Variants in SMYD3 observed in about 807,000 individuals in gnomAD.
SMYD3 encodes histone-lysine N-methyltransferase SMYD3.
In SMYD3, 36 loss-of-function variants were observed where a neutral mutation model predicts 57.7. The ratio of observed to expected loss-of-function variants is 0.62; its 90% CI spans 0.48 to 0.82. SMYD3 has a LOEUF of 0.82. Among genes scored for constraint, SMYD3 ranks in the 40% least tolerant of loss-of-function variants. The pLI is 0.00. For missense variants in SMYD3, 515 were observed against 538.8 expected, an observed-to-expected ratio of 0.96 and a Z score of 0.44; for synonymous variants, 211 against 195.0, an observed-to-expected ratio of 1.08 and a Z score of -0.68.
At chr1:246,478,699 C>T (rs113285829) in intron 1 of SMYD3, among the ~76,000 whole-genome samples, 7 of 79,102 alleles carry the variant, frequency 8.8e-5, no homozygotes, top group East Asian at 3.7e-4. Flanking sequence ...TGTCCTCCGT[C>T]CTGGAGCTGG....
chr1:245,848,578 CTTTT>C (rs2050789905), intron 10 of SMYD3, among the ~76,000 whole-genome samples: 1 of 151,924 alleles, frequency 6.6e-6, no homozygotes, highest in African/African-American at 2.4e-5. Context: ...CGCCCATCTA[CTTTT>C]TTTATGTTTA....
At position 246,194,046 on chromosome 1, in the gene SMYD3, T is replaced by C. The variant is rs529605225; in HGVS notation, c.531+133155A>G. Among the ~76,000 whole-genome samples the C allele has an allele frequency of 1.5e-3, 224 of 152,280 alleles. 2 individuals are homozygous for C. The highest frequency in any genetic ancestry group is 4.9e-3 in the African/African-American group (205 of 41,546). ...GCACAATTAAGAGAGGTACGCTGTT[T>C]TTATGTACTTCTCTATAACTGCAGC... On this transcript the variant is annotated intron_variant, in intron 5 of 11. Transcript: ENST00000490107.
chr1:246,169,665 C>A (rs530477067), intron 5 of SMYD3, among the ~76,000 whole-genome samples: 1 of 151,954 alleles, frequency 6.6e-6, no homozygotes, highest in African/African-American at 2.4e-5. Context: ...TCCCAGCATT[C>A]GGCCAAGGCA....
chr1:246,105,242 T>G (rs1398594721), intron 5 of SMYD3, among the ~76,000 whole-genome samples: 1 of 151,644 alleles, frequency 6.6e-6, no homozygotes, highest in Non-Finnish European at 1.5e-5. Context: ...AATGCACAGA[T>G]GGGCCCTGGT....
Position 246,462,148 on chromosome 1 carries a change from TTG to T in SMYD3, c.164+44904_164+44905del, listed in dbSNP as rs368701520. On this transcript the variant is annotated intron_variant, in intron 1 of 11. Transcript: ENST00000490107. ...GTGTGGAGGTGTGGAAAGCCTAGCA[TTG>T]TGAGTACGGGCATGGCAAGAAGAAT... Among the ~76,000 whole-genome samples the T allele has an allele frequency of 6.5e-4, 99 of 152,264 alleles. No individual in the cohort carries two copies. In the South Asian group the frequency reaches 0.02, roughly 31 times the overall value.
At chr1:246,005,879 C>A (rs373872537) in intron 5 of SMYD3, among the ~76,000 whole-genome samples, 1 of 152,124 alleles carries the variant, frequency 6.6e-6, no homozygotes, top group South Asian at 2.1e-4. Flanking sequence ...CATATGGAGC[C>A]GTGGTTACAG....
intron 5 of SMYD3, among the ~76,000 whole-genome samples, chr1:245,993,891 TC>T (rs1357864109): frequency 6.6e-6 from 1 of 152,246 alleles, no homozygotes; most frequent in African/African-American, 2.4e-5. Context: ...ATTTAAATGG[TC>T]ATTTTTATGT....
At chr1:246,360,849 G>A (rs1007466357) in intron 1 of SMYD3, among the ~76,000 whole-genome samples, 4 of 152,126 alleles carry the variant, frequency 2.6e-5, no homozygotes, top group African/African-American at 7.2e-5. Context: ...AAAAATTCTA[G>A]AAGATAACAT....
intron 5 of SMYD3, among the ~76,000 whole-genome samples, chr1:246,123,282 C>G (rs1453610633): frequency 1.3e-5 from 2 of 152,074 alleles, no homozygotes; most frequent in Non-Finnish European, 2.9e-5. Context: ...CATCATTCTG[C>G]ATTGGCCCTG....
intron 1 of SMYD3, among the ~76,000 whole-genome samples, chr1:246,489,364 A>T (rs905646749): frequency 6.6e-6 from 1 of 152,132 alleles, no homozygotes; most frequent in African/African-American, 2.4e-5. Context: ...AAAAAATAAT[A>T]AAAGAAAAAG....
At chr1:246,186,012 C>T (rs1338606272) in intron 5 of SMYD3, among the ~76,000 whole-genome samples, 7 of 152,178 alleles carry the variant, frequency 4.6e-5, no homozygotes, top group South Asian at 4.2e-4. Flanking sequence ...AGGTTTGTCT[C>T]GGTCAAATCT....
chr1:246,162,350 A>C (rs865845512), intron 5 of SMYD3, among the ~76,000 whole-genome samples: 1 of 152,230 alleles, frequency 6.6e-6, no homozygotes, highest in South Asian at 2.1e-4. Flanking sequence ...CAGAAGTATC[A>C]ATTGGAATGT....
intron 10 of SMYD3, among the ~76,000 whole-genome samples, chr1:245,855,359 C>T (rs2051188160): frequency 6.6e-6 from 1 of 152,042 alleles, no homozygotes; most frequent in Admixed American, 6.5e-5. Context: ...GTGGTGCTAT[C>T]AAAGGCTGAG....
intron 7 of SMYD3, among the ~76,000 whole-genome samples, chr1:245,922,656 G>A (rs2056061303): frequency 6.6e-6 from 1 of 151,456 alleles, no homozygotes; most frequent in Non-Finnish European, 1.5e-5. Flanking sequence ...TTCCCTTCAG[G>A]AAACTCTAAT....
intron 5 of SMYD3, among the ~76,000 whole-genome samples, chr1:246,039,425 G>A (rs555389411): frequency 6.6e-5 from 10 of 152,194 alleles, no homozygotes; most frequent in African/African-American, 2.2e-4. Flanking sequence ...TGTATTTACC[G>A]AAACCAACAT....
At chr1:246,465,411 A>T (rs780443450) in intron 1 of SMYD3, among the ~76,000 whole-genome samples, 1 of 152,280 alleles carries the variant, frequency 6.6e-6, no homozygotes, top group Non-Finnish European at 1.5e-5. Flanking sequence ...AATAAAACAT[A>T]GCGGCATCTA....
intron 8 of SMYD3, among the ~76,000 whole-genome samples, chr1:245,913,583 G>C (rs942646859): frequency 6.7e-6 from 1 of 148,482 alleles, no homozygotes; most frequent in Non-Finnish European, 1.5e-5. Context: ...TTATGGCTAA[G>C]ACCACAAAAG....
intron 1 of SMYD3, among the ~76,000 whole-genome samples, chr1:246,502,323 G>A (rs2068469045): frequency 6.6e-6 from 1 of 151,834 alleles, no homozygotes; most frequent in Non-Finnish European, 1.5e-5. Flanking sequence ...GTAGAGACAG[G>A]GTTTTGCCAT....
At chr1:246,443,939 T>G (rs543847743) in intron 1 of SMYD3, among the ~76,000 whole-genome samples, 6 of 152,226 alleles carry the variant, frequency 3.9e-5, no homozygotes, top group Middle Eastern at 6.8e-3. Context: ...AGTGCTAATC[T>G]GCCTTCCCTA....
Sources: allele counts gnomAD v4.1 joint callset (sites outside exome capture counted in the v4.1 genomes callset), GRCh38; gene constraint gnomAD v4.1.1; transcripts MANE v1.5; gene names NCBI Gene and HGNC (gene_info 2026-07-23, HGNC 2026-07-21).